The following BCO1 variants were observed in gnomAD, a reference collection of about 807,000 sequenced individuals.
The protein encoded by BCO1 is beta,beta-carotene 15,15'-dioxygenase.
A neutral mutation model predicts 56.3 loss-of-function variants in BCO1; 54 were observed. The ratio of observed to expected loss-of-function variants is 0.96; its 90% CI spans 0.77 to 1.20. The LOEUF is 1.20. BCO1 is among the 50% of genes most tolerant of loss of function. The pLI is 0.00. For synonymous variants in BCO1, 318 were observed against 266.1 expected, an observed-to-expected ratio of 1.20 and a Z score of -1.90; for missense variants, 801 against 690.9, an observed-to-expected ratio of 1.16 and a Z score of -1.79.
At chr16:81,256,487 G>A (rs1458217872) in intron 2 of BCO1, among the ~76,000 whole-genome samples, 3 of 152,090 alleles carry the variant, frequency 2.0e-5, no homozygotes, top group Admixed American at 6.6e-5. Context: ...AATGAAATGC[G>A]TTCTGTAAAA....
intron 5 of BCO1, among the ~76,000 whole-genome samples, chr16:81,266,074 T>C (rs1458611510): frequency 6.6e-6 from 1 of 151,998 alleles, no homozygotes; most frequent in African/African-American, 2.4e-5. Context: ...TTCAGTCTCC[T>C]GACAAAACTT....
rs184601431 is a variant in BCO1, at chr16:81,249,457, C to G, written c.193+3854C>G. Among the ~76,000 whole-genome samples the G allele has an allele frequency of 2.3e-3, 356 of 152,288 alleles. 2 individuals are homozygous for G. The highest frequency in any genetic ancestry group is 2.2e-3 in the Non-Finnish European group (153 of 68,020). On this transcript the variant is annotated intron_variant, in intron 2 of 10. Transcript: ENST00000258168. Reference sequence around the variant, plus strand: ...ATTTTTAGTAGAGACGGGGTTTCACCGTGTTAGCCAGGATGGTCTTGATCT... The same window carrying G: ...ATTTTTAGTAGAGACGGGGTTTCACGGTGTTAGCCAGGATGGTCTTGATCT...
Position 81,259,665 on chromosome 16 carries a change from T to G in BCO1, c.194-11T>G, listed in dbSNP as rs781347357. The G allele has an allele frequency of 6.2e-7, 1 of 1,614,124 alleles. No individual in the cohort carries two copies. The highest frequency in any genetic ancestry group is 8.5e-7 in the Non-Finnish European group (1 of 1,180,034). On this transcript the variant is annotated splice_polypyrimidine_tract_variant and intron_variant, in intron 2 of 10. Coordinates refer to ENST00000258168, the MANE Select transcript of BCO1 (RefSeq NM_017429.3). ...CGTCAGCCTGAGATTATGCTGGTTC[T>G]TCTCTTGCAGGTGAAGTCTATTACA...
intron 7 of BCO1, among the ~76,000 whole-genome samples, chr16:81,274,259 T>C (rs1907412646): frequency 1.8e-4 from 2 of 11,410 alleles, no homozygotes; most frequent in Admixed American, 2.5e-3. Flanking sequence ...CTTGTGTATC[T>C]TTTTTTTTTT....
chr16:81,279,075 G>A (rs559198152), intron 7 of BCO1, among the ~76,000 whole-genome samples: 63 of 151,546 alleles, frequency 4.2e-4, no homozygotes, highest in Admixed American at 1.5e-3. Flanking sequence ...CCAGGAGTTC[G>A]AGACCAAGCT....
chr16:81,264,534 T>C, intron 4 of BCO1, 106 bp from the exon 5 acceptor site: 1 of 1,366,142 alleles, frequency 7.3e-7, no homozygotes, highest in Non-Finnish European at 1.0e-6. Flanking sequence ...TCAGTCACGT[T>C]TTCATAGGAC....
At chr16:81,275,541 G>A (rs931360383) in intron 7 of BCO1, among the ~76,000 whole-genome samples, 2 of 152,344 alleles carry the variant, frequency 1.3e-5, no homozygotes, top group Admixed American at 6.5e-5. Flanking sequence ...CCCTCTTCCT[G>A]TTCAAGCCTA....
chr16:81,265,786 C>A (rs1436309184), intron 5 of BCO1, among the ~76,000 whole-genome samples: 1 of 97,958 alleles, frequency 1.0e-5, no homozygotes, highest in Non-Finnish European at 2.3e-5. Context: ...CACTTATCCA[C>A]CATCCATCCA....
intron 1 of BCO1, among the ~76,000 whole-genome samples, chr16:81,240,513 C>T (rs1263427662): frequency 2.0e-5 from 3 of 152,114 alleles, no homozygotes; most frequent in South Asian, 4.1e-4. Flanking sequence ...TGAGACCAGC[C>T]TGGCTAACAT....
intron 7 of BCO1, 77 bp downstream of exon 7, chr16:81,270,493 T>A (rs1231117557): frequency 1.3e-6 from 2 of 1,582,832 alleles, no homozygotes; most frequent in East Asian, 4.5e-5. Flanking sequence ...GGCCCTTATT[T>A]GATTGACATT....
intron 1 of BCO1, among the ~76,000 whole-genome samples, chr16:81,239,570 C>G (rs909030964): frequency 6.6e-6 from 1 of 152,162 alleles, no homozygotes; most frequent in African/African-American, 2.4e-5. Flanking sequence ...TGCTGCCTGT[C>G]TCAGATGCAT....
At chr16:81,287,660 C>G (rs1472018818) in intron 10 of BCO1, among the ~76,000 whole-genome samples, 1 of 152,148 alleles carries the variant, frequency 6.6e-6, no homozygotes, top group Non-Finnish European at 1.5e-5. Flanking sequence ...AATCACCAAC[C>G]TCACTGCAAG....
chr16:81,268,186 C>T, intron 6 of BCO1, 55 bp downstream of exon 6: 1 of 1,517,350 alleles, frequency 6.6e-7, no homozygotes, highest in South Asian at 1.1e-5. Flanking sequence ...TGGAGGGAGG[C>T]TGGTGTGCAG....
At chr16:81,271,304 G>T (rs918878199) in intron 7 of BCO1, among the ~76,000 whole-genome samples, 1 of 151,430 alleles carries the variant, frequency 6.6e-6, no homozygotes, top group Non-Finnish European at 1.5e-5. Flanking sequence ...TAGAAAAGAC[G>T]GGGTTTCACC....
At chr16:81,280,755 A>T in intron 7 of BCO1, 102 bp from the exon 8 acceptor site, 1 of 814,150 alleles carries the variant, frequency 1.2e-6, no homozygotes, top group Non-Finnish European at 2.1e-6. Flanking sequence ...CTAAGCCAAG[A>T]TGACATGTAT....
intron 1 of BCO1, among the ~76,000 whole-genome samples, chr16:81,241,993 T>G (rs1041720033): frequency 1.3e-5 from 2 of 152,124 alleles, no homozygotes; most frequent in Non-Finnish European, 2.9e-5. Flanking sequence ...GCTGCAACGA[T>G]TAAGTGGTTT....
intron 2 of BCO1, among the ~76,000 whole-genome samples, chr16:81,255,552 T>A (rs922691375): frequency 6.6e-6 from 1 of 151,812 alleles, no homozygotes; most frequent in Admixed American, 6.6e-5. Flanking sequence ...CAGGCTGGAG[T>A]GCAGTGGCGT....
In BCO1 at chr16:81,245,651, A is replaced by G. The variant is rs775238920; in HGVS notation, c.193+48A>G. The G allele has an allele frequency of 7.4e-6, 12 of 1,612,376 alleles. No homozygotes were observed. In the African/African-American group the frequency reaches 1.5e-4, roughly 20 times the overall value. The stretch of plus-strand genomic sequence containing the variant: ...TGCCACTGCTGCAGCAAAGGACCCC[A>G]AATGCAGTGCCTTAAAACAGCACAA... On this transcript the variant is annotated intron_variant, in intron 2 of 10. Transcript: ENST00000258168.
At chr16:81,271,596 C>A (rs1327102414) in intron 7 of BCO1, among the ~76,000 whole-genome samples, 2 of 152,218 alleles carry the variant, frequency 1.3e-5, no homozygotes, top group African/African-American at 2.4e-5. Context: ...TCTGTCTCTG[C>A]AGACTTGCCC....
Sources: allele counts gnomAD v4.1 joint callset (sites outside exome capture counted in the v4.1 genomes callset), GRCh38; gene constraint gnomAD v4.1.1; transcripts MANE v1.5; gene names NCBI Gene and HGNC (gene_info 2026-07-23, HGNC 2026-07-21).